The following NKAIN3 variants were observed in gnomAD, a reference collection of about 807,000 sequenced individuals.
The protein encoded by NKAIN3 is sodium/potassium transporting ATPase interacting 3.
In NKAIN3, 25 loss-of-function variants were observed where a neutral mutation model predicts 30.2. That is an observed-to-expected ratio of 0.83 (90% CI 0.60 to 1.16). NKAIN3 has a LOEUF of 1.16. Ranked by LOEUF, NKAIN3 falls within the 50% of genes most tolerant of loss-of-function variation. The pLI, the probability that NKAIN3 is intolerant of heterozygous loss-of-function variation, is 0.00. For synonymous variants in NKAIN3, 91 were observed against 89.6 expected, an observed-to-expected ratio of 1.02 and a Z score of -0.09; for missense variants, 225 against 254.1, an observed-to-expected ratio of 0.89 and a Z score of 0.78.
chr8:62,469,069 G>GT (rs1380084375), intron 1 of NKAIN3, among the ~76,000 whole-genome samples: 2 of 152,110 alleles, frequency 1.3e-5, no homozygotes, highest in Non-Finnish European at 2.9e-5. Context: ...GGCCTGGACT[G>GT]TAAGTCTTTA....
In NKAIN3 at chr8:62,340,832, C is replaced by T. The variant is rs562920701; in HGVS notation, c.54+91705C>T. ...CCACAGATGGTGGTTTGCTCGGAGG[C>T]AAGGTTGAGGCATTGTCAGGAAGAG... On this transcript the variant is annotated intron_variant, in intron 1 of 6. Transcript: ENST00000623646. Among the ~76,000 whole-genome samples the T allele has an allele frequency of 4.5e-4, 68 of 152,050 alleles. No individual in the cohort carries two copies. The South Asian group carries it at 0.014, about 31-fold the overall frequency.
At chr8:62,823,062 T>C (rs1010928400) in intron 4 of NKAIN3, among the ~76,000 whole-genome samples, 1 of 152,166 alleles carries the variant, frequency 6.6e-6, no homozygotes, top group Non-Finnish European at 1.5e-5. Context: ...GAGTGGAGCA[T>C]GCAGGACTGG....
At chr8:62,411,130 C>T (rs966342362) in intron 1 of NKAIN3, among the ~76,000 whole-genome samples, 1 of 152,124 alleles carries the variant, frequency 6.6e-6, no homozygotes, top group Non-Finnish European at 1.5e-5. Flanking sequence ...CCCTGGTGAA[C>T]ATAGATATAA....
chr8:62,676,232 T>C (rs1813470869), intron 3 of NKAIN3, among the ~76,000 whole-genome samples: 1 of 152,308 alleles, frequency 6.6e-6, no homozygotes, highest in Middle Eastern at 3.4e-3. Context: ...TCTGTCTGAC[T>C]CCAAAGAACA....
intron 1 of NKAIN3, among the ~76,000 whole-genome samples, chr8:62,420,506 C>T (rs1563391091): frequency 1.3e-5 from 2 of 152,134 alleles, no homozygotes; most frequent in East Asian, 3.9e-4. Context: ...ATTTTGTATT[C>T]CTTTCTGGAG....
intron 4 of NKAIN3, among the ~76,000 whole-genome samples, chr8:62,865,045 G>A (rs968576784): frequency 6.6e-5 from 10 of 152,166 alleles, no homozygotes; most frequent in African/African-American, 1.9e-4. Context: ...GCTGGGGAGA[G>A]TCCGGTTTAC....
chr8:62,925,719 A>G (rs112208850), intron 5 of NKAIN3, among the ~76,000 whole-genome samples: 259 of 152,238 alleles, frequency 1.7e-3, no homozygotes, highest in Admixed American at 2.5e-3. Context: ...CTGCAGTTCT[A>G]TAGATGATGC....
chr8:62,521,791 G>A (rs554907439), intron 1 of NKAIN3, among the ~76,000 whole-genome samples: 18 of 152,256 alleles, frequency 1.2e-4, no homozygotes, highest in South Asian at 4.1e-4. Flanking sequence ...CTAGAAACTG[G>A]CAAACATCTC....
Position 62,395,146 on chromosome 8 carries a change from C to T in NKAIN3, c.54+146019C>T, listed in dbSNP as rs1449824028. Among the ~76,000 whole-genome samples, 5 of 151,078 alleles carry T rather than the reference C, an allele frequency of 3.3e-5. No homozygotes were observed. In the East Asian group the frequency reaches 7.9e-4, roughly 24 times the overall value. ...GCTCCTCACTTCCCAGACGGGGCGG[C>T]GACGGGACAGAGGCGGTCCTCACTT... is the stretch of plus-strand genomic sequence containing the variant. On this transcript the variant is annotated intron_variant, in intron 1 of 6. Transcript: ENST00000623646.
At chr8:62,963,978 C>T (rs897342410) in intron 6 of NKAIN3, among the ~76,000 whole-genome samples, 1 of 152,130 alleles carries the variant, frequency 6.6e-6, no homozygotes, top group Non-Finnish European at 1.5e-5. Context: ...AGTCATCAAA[C>T]TGAAGTAGAG....
chr8:62,281,613 T>C (rs1186564086), intron 1 of NKAIN3, among the ~76,000 whole-genome samples: 2 of 152,218 alleles, frequency 1.3e-5, no homozygotes, highest in Non-Finnish European at 2.9e-5. Context: ...TCTTTATTTC[T>C]AGCTTCATTT....
chr8:62,571,036 C>A (rs1051680341), intron 1 of NKAIN3, among the ~76,000 whole-genome samples: 4 of 152,076 alleles, frequency 2.6e-5, no homozygotes, highest in African/African-American at 9.7e-5. Context: ...AGAATCAATT[C>A]TTTCCTTAAA....
intron 1 of NKAIN3, among the ~76,000 whole-genome samples, chr8:62,499,814 G>C (rs979079758): frequency 4.6e-5 from 7 of 151,236 alleles, no homozygotes; most frequent in East Asian, 1.9e-4. Context: ...AGGTTTGTTT[G>C]TTTGTTTCTT....
intron 1 of NKAIN3, among the ~76,000 whole-genome samples, chr8:62,478,248 G>A (rs1806584945): frequency 6.6e-6 from 1 of 152,178 alleles, no homozygotes; most frequent in Non-Finnish European, 1.5e-5. Flanking sequence ...CGGGTATCCA[G>A]CTAGTTAGTA....
intron 1 of NKAIN3, among the ~76,000 whole-genome samples, chr8:62,553,352 A>T (rs1173653566): frequency 6.6e-6 from 1 of 152,156 alleles, no homozygotes; most frequent in Non-Finnish European, 1.5e-5. Flanking sequence ...ATGTCATTTA[A>T]TACAGATTTA....
chr8:62,892,698 A>G (rs1380714848), intron 4 of NKAIN3, among the ~76,000 whole-genome samples: 1 of 152,220 alleles, frequency 6.6e-6, no homozygotes, highest in Non-Finnish European at 1.5e-5. Flanking sequence ...TTTGGTAAAA[A>G]AAAAATAGTT....
intron 1 of NKAIN3, among the ~76,000 whole-genome samples, chr8:62,555,433 A>AT (rs1809357741): frequency 2.0e-5 from 3 of 152,094 alleles, no homozygotes; most frequent in Admixed American, 6.6e-5. Flanking sequence ...AAGATATAGT[A>AT]TTTTTTAAAG....
At chr8:62,694,717 G>T (rs1814097106) in intron 3 of NKAIN3, among the ~76,000 whole-genome samples, 1 of 152,094 alleles carries the variant, frequency 6.6e-6, no homozygotes, top group South Asian at 2.1e-4. Context: ...GTTAGTTCCT[G>T]ACCCATCCAG....
intron 1 of NKAIN3, chr8:62,483,034 G>A (rs55808358): frequency 0.098 from 14,942 of 152,212 alleles, 977 homozygotes; most frequent in Non-Finnish European, 0.14. Context: ...CACCAGAGCC[G>A]TCTCTTCTCC....
Sources: allele counts gnomAD v4.1 joint callset (sites outside exome capture counted in the v4.1 genomes callset), GRCh38; gene constraint gnomAD v4.1.1; transcripts MANE v1.5; gene names NCBI Gene and HGNC (gene_info 2026-07-23, HGNC 2026-07-21).